The following MTNR1B variants were observed in gnomAD, a reference collection of about 807,000 sequenced individuals.
MTNR1B encodes the protein melatonin receptor 1B.
In MTNR1B, 7 loss-of-function variants were observed where a neutral mutation model predicts 7.0. That is an observed-to-expected ratio of 1.00 (90% CI 0.57 to 1.88). The LOEUF is 1.88. MTNR1B is among the 40% of genes most tolerant of loss of function. MTNR1B has a pLI of 0.00. For synonymous variants in MTNR1B, 226 were observed against 208.2 expected (o/e 1.09, Z -0.74); for missense variants, 478 against 486.5 (o/e 0.98, Z 0.16).
intron 1 of MTNR1B, among the ~76,000 whole-genome samples, chr11:92,975,284 T>C (rs1325514110): frequency 6.6e-6 from 1 of 152,198 alleles, no homozygotes; most frequent in East Asian, 1.9e-4. Flanking sequence ...GAAGCTGTGG[T>C]CTGACAATGG....
intron 1 of MTNR1B, among the ~76,000 whole-genome samples, chr11:92,977,397 A>G (rs1427201131): frequency 6.6e-6 from 1 of 152,252 alleles, no homozygotes; most frequent in Non-Finnish European, 1.5e-5. Context: ...TATATGGTCA[A>G]TTATTTCAAA....
chr11:92,971,587 T>A (rs1160366630), intron 1 of MTNR1B, among the ~76,000 whole-genome samples: 2 of 152,184 alleles, frequency 1.3e-5, no homozygotes, highest in Non-Finnish European at 2.9e-5. Context: ...AAATGGGTCC[T>A]CCTGGTTCTG....
downstream of MTNR1B, among the ~76,000 whole-genome samples, chr11:92,982,936 ACC>A (rs71473980): frequency 1.7e-3 from 86 of 49,158 alleles, 2 homozygotes; most frequent in African/African-American, 5.3e-3. Context: ...AACACACTGC[ACC>A]CCCCCCCCCC....
At position 92,981,519 on chromosome 11, in the gene MTNR1B, TGGCCATCTTCTATGACGGCTG is replaced by T. The variant is rs1016290776; in HGVS notation, c.301_321del (p.Ile101_Ala107del). 1.2e-6 allele frequency: 2 copies of T among 1,614,174 alleles called. No individual in the cohort carries two copies. Among genetic ancestry groups the T allele is most frequent in the Non-Finnish European group, 1.7e-6 (2 of 1,180,032 alleles). On this transcript the variant is annotated inframe_deletion, in exon 2 of 2. Coordinates refer to ENST00000257068, the MANE Select transcript of MTNR1B (RefSeq NM_005959.5). ...TTCTACCCCTACCCGCTAATCCTCG[TGGCCATCTTCTATGACGGCTG>T]GGCCCTGGGGGAGGAGCACTGCAAG...
At position 92,981,602 on chromosome 11, in the gene MTNR1B, T is replaced by G. The variant is rs1451047404; in HGVS notation, c.379T>G (p.Ser127Ala). ...TGTGATGGGCCTGAGCGTCATCGGC[T>G]CTGTCTTCAATATCACTGCCATCGC... ...AFVMGLSVIGSVFNITAIAIN... is the reference protein window; with the variant it reads ...AFVMGLSVIGAVFNITAIAIN... Residue 127 changes from serine (S) to alanine (A), a missense_variant, in exon 2 of 2, where the codon TCT (serine) becomes GCT (alanine). Coordinates refer to ENST00000257068, the MANE Select transcript of MTNR1B (RefSeq NM_005959.5). The G allele has an allele frequency of 1.2e-6, 2 of 1,614,154 alleles. No individual in the cohort carries two copies. Among genetic ancestry groups the G allele is most frequent in the Non-Finnish European group, 1.7e-6 (2 of 1,180,022 alleles).
In MTNR1B at chr11:92,976,486, A is replaced by G. The variant is rs1048668176; in HGVS notation, c.224-4961A>G. Among the ~76,000 whole-genome samples the G allele has an allele frequency of 1.1e-4, 16 of 151,414 alleles. No individual in the cohort carries two copies. The South Asian group carries it at 2.9e-3, about 28-fold the overall frequency. ...ATATTACTAGTGCTTGTTATATGCCAGATTCAAGTCTCTTTCCTTTAAGAG... is the reference window on the plus strand; with the variant it reads ...ATATTACTAGTGCTTGTTATATGCCGGATTCAAGTCTCTTTCCTTTAAGAG... On this transcript the variant is annotated intron_variant, in intron 1 of 1. Coordinates refer to ENST00000257068, the MANE Select transcript of MTNR1B (RefSeq NM_005959.5).
chr11:92,983,088 A>G (rs1433913772), downstream of MTNR1B, among the ~76,000 whole-genome samples: 1 of 152,014 alleles, frequency 6.6e-6, no homozygotes, highest in Non-Finnish European at 1.5e-5. Flanking sequence ...TACTCATCTT[A>G]AAGTGAAGAT....
chr11:92,972,351 C>T (rs1163349502), intron 1 of MTNR1B: 1 of 454,064 alleles, frequency 2.2e-6, no homozygotes, highest in Non-Finnish European at 4.4e-6. Flanking sequence ...GTATCCTTTA[C>T]TTGCCTATCA....
In MTNR1B at chr11:92,982,373, T is replaced by A; in HGVS notation, c.*61T>A. 1 of 1,550,452 alleles carries A rather than the reference T, an allele frequency of 6.4e-7. No individual in the cohort carries two copies. Among genetic ancestry groups the A allele is most frequent in the Non-Finnish European group, 8.7e-7 (1 of 1,151,034 alleles). ...CATGAAATGGTGGGAGAGAGTCTGCTGCAAGGGTGAGACCAGGCAGCCTGC... is the reference window on the plus strand; with the variant it reads ...CATGAAATGGTGGGAGAGAGTCTGCAGCAAGGGTGAGACCAGGCAGCCTGC... On this transcript the variant is annotated 3_prime_UTR_variant, in exon 2 of 2. Transcript: ENST00000257068.
chr11:92,983,596 G>T (rs978686650), downstream of MTNR1B, among the ~76,000 whole-genome samples: 1 of 151,974 alleles, frequency 6.6e-6, no homozygotes, highest in African/African-American at 2.4e-5. Context: ...ACATGGAAGT[G>T]GGGAAAGGGC....
intron 1 of MTNR1B, among the ~76,000 whole-genome samples, chr11:92,970,257 C>T (rs1211701131): frequency 1.3e-5 from 2 of 152,206 alleles, no homozygotes; most frequent in Non-Finnish European, 2.9e-5. Context: ...TACCCCGTCG[C>T]GCTCCAATGC....
chr11:92,976,223 C>A (rs6483209), intron 1 of MTNR1B, among the ~76,000 whole-genome samples: 2 of 152,104 alleles, frequency 1.3e-5, no homozygotes, highest in Non-Finnish European at 2.9e-5. Flanking sequence ...AAAGCTCCTA[C>A]TGGCTCTTTC....
rs1461286485 is a variant in MTNR1B at position 92,981,492 on chromosome 11, C to T, written c.269C>T (p.Ala90Val). 2 of 1,614,076 alleles carry T rather than the reference C, an allele frequency of 1.2e-6. No individual in the cohort carries two copies. The highest frequency in any genetic ancestry group is 1.7e-6 in the Non-Finnish European group (2 of 1,180,004). ...VSLALADLVV[A>V]FYPYPLILVA... Reference sequence around the variant, plus strand: ...CTGGCATTGGCTGACCTGGTGGTGGCCTTCTACCCCTACCCGCTAATCCTC... The same window carrying T: ...CTGGCATTGGCTGACCTGGTGGTGGTCTTCTACCCCTACCCGCTAATCCTC... The change falls in exon 2 of 2, where the codon GCC becomes GTC. Residue 90 changes from alanine (A) to valine (V), a missense_variant. Physicochemically the swap from Ala to Val is moderately conservative, Grantham distance 64. Transcript: ENST00000257068.
rs552946015 is a variant in MTNR1B at position 92,982,211 on chromosome 11, C to T, written c.988C>T (p.Arg330Trp). The T allele has an allele frequency of 1.7e-5, 28 of 1,614,200 alleles. No individual in the cohort carries two copies. The highest frequency in any genetic ancestry group is 1.6e-4 in the Middle Eastern group (1 of 6,062). Reference protein sequence around the residue: ...KRILLALWNPRHCIQDASKGS... With the variant: ...KRILLALWNPWHCIQDASKGS... ...GATCCTCTTGGCCCTTTGGAACCCA[C>T]GGCACTGCATTCAAGATGCTTCCAA... The change falls in exon 2 of 2, where the codon CGG becomes TGG. Residue 330 changes from arginine to tryptophan, a missense_variant. By Grantham distance (101) the Arg-to-Trp change is moderately radical. Coordinates refer to ENST00000257068, the MANE Select transcript of MTNR1B (RefSeq NM_005959.5).
At chr11:92,975,778 C>T (rs1371713135) in intron 1 of MTNR1B, among the ~76,000 whole-genome samples, 1 of 152,200 alleles carries the variant, frequency 6.6e-6, no homozygotes, top group East Asian at 1.9e-4. Flanking sequence ...ACAGCCCCTA[C>T]CCTCCAAGTT....
chr11:92,972,655 G>A (rs982801336), intron 1 of MTNR1B: 5 of 410,192 alleles, frequency 1.2e-5, no homozygotes, highest in African/African-American at 1.0e-4. Context: ...ATGGCACTGG[G>A]TTGGCACCTC....
chr11:92,972,532 G>T, intron 1 of MTNR1B: 1 of 456,200 alleles, frequency 2.2e-6, no homozygotes, highest in Non-Finnish European at 4.4e-6. Context: ...GAGAAAGGCA[G>T]ACAGGGAGGA....
Position 92,969,862 on chromosome 11 carries a change from T to C in MTNR1B, c.137T>C (p.Val46Ala). ...TGGGTGGCTCCAGCGCTGTCCGCGG[T>C]GCTCATCGTCACCACCGCCGTGGAC... The part of the protein sequence containing the change: ...PPWVAPALSA[V>A]LIVTTAVDVV... The change falls in exon 1 of 2, where the codon GTG (valine) becomes GCG (alanine). Residue 46 changes from valine to alanine, a missense_variant. Physicochemically the swap from Val to Ala is moderately conservative, Grantham distance 64 (BLOSUM62 0). Coordinates refer to ENST00000257068, the MANE Select transcript of MTNR1B (RefSeq NM_005959.5). 3.7e-6 allele frequency: 6 copies of C among 1,611,280 alleles called. No homozygotes were observed. Among genetic ancestry groups the C allele is most frequent in the Non-Finnish European group, 5.1e-6 (6 of 1,179,418 alleles).
chr11:92,984,631 T>G (rs1045673478), downstream of MTNR1B, among the ~76,000 whole-genome samples: 2 of 152,216 alleles, frequency 1.3e-5, no homozygotes, highest in African/African-American at 4.8e-5. Context: ...GGCAACAGCA[T>G]GTCCACACTT....
Sources: gnomAD v4.1 joint callset for allele counts (sites outside exome capture counted in the v4.1 genomes callset) on GRCh38, gnomAD v4.1.1 for gene constraint, MANE v1.5 for transcripts, NCBI Gene and HGNC (gene_info 2026-07-23, HGNC 2026-07-21) for gene names.